The following ZNF7 variants were observed in gnomAD, a reference collection of about 807,000 sequenced individuals.
ZNF7 encodes the protein zinc finger protein 7.
A neutral mutation model predicts 12.0 loss-of-function variants in ZNF7; 10 were observed. The ratio of observed to expected loss-of-function variants is 0.83; its 90% CI spans 0.51 to 1.42. ZNF7 has a LOEUF of 1.42. ZNF7 is among the 40% of genes most tolerant of loss of function. ZNF7 has a pLI of 0.00. For synonymous variants in ZNF7, 334 were observed against 295.0 expected (o/e 1.13, Z -1.35); for missense variants, 854 against 837.2 (o/e 1.02, Z -0.25).
chr8:144,839,440 G>C (rs1335827795), intron 4 of ZNF7, among the ~76,000 whole-genome samples: 1 of 152,256 alleles, frequency 6.6e-6, no homozygotes, highest in Non-Finnish European at 1.5e-5. Context: ...AGGTGGCCCA[G>C]TTAAAACCCA....
At chr8:144,837,016 T>G in intron 3 of ZNF7, 1 of 171,032 alleles carries the variant, frequency 5.8e-6, no homozygotes, top group Non-Finnish European at 1.2e-5. Flanking sequence ...CCCTGCCTCT[T>G]GGAGCATCTC....
At chr8:144,834,166 GT>G (rs1373430080) in intron 3 of ZNF7, 5 of 152,192 alleles carry the variant, frequency 3.3e-5, no homozygotes, top group Admixed American at 2.6e-4. Context: ...CAATGTAAAA[GT>G]TTTGATTTTT....
intron 4 of ZNF7, among the ~76,000 whole-genome samples, chr8:144,839,849 G>GACC (rs949260488): frequency 1.3e-5 from 2 of 152,224 alleles, no homozygotes; most frequent in African/African-American, 4.8e-5. Context: ...CCACGCTTTT[G>GACC]ACCACCACCG....
chr8:144,837,345 A>C, intron 3 of ZNF7, 46 bp from the exon 4 acceptor site: 5 of 1,522,746 alleles, frequency 3.3e-6, no homozygotes, highest in Non-Finnish European at 4.5e-6. Flanking sequence ...TGTGCTGCAC[A>C]CTTCCCGTCA....
Position 144,840,868 on chromosome 8 carries a change from C to T in ZNF7, c.248-487C>T, listed in dbSNP as rs542009698. ...ATGAACGGCCTAGGTGCCCAGTGCT[C>T]TTCTGAGCTCACGTAGTAAGTCCCT... On this transcript the variant is annotated intron_variant, in intron 4 of 4. Transcript: ENST00000532777. Among the ~76,000 whole-genome samples the T allele has an allele frequency of 2.0e-5, 3 of 152,310 alleles. No individual in the cohort carries two copies. In the East Asian group the frequency reaches 5.8e-4, roughly 29 times the overall value.
chr8:144,832,399 G>A, intron 3 of ZNF7, among the ~76,000 whole-genome samples: 1 of 55,432 alleles, frequency 1.8e-5, no homozygotes, highest in East Asian at 4.3e-4. Context: ...CTCCAGCCTG[G>A]GTGACAGAGC....
chr8:144,836,417 C>G (rs1433444208), intron 3 of ZNF7: 1 of 152,172 alleles, frequency 6.6e-6, no homozygotes, highest in Non-Finnish European at 1.5e-5. Context: ...GCCACTTAGT[C>G]ATTTATTATG....
At position 144,840,453 on chromosome 8, in the gene ZNF7, C is replaced by CGTGGTT. The variant is rs1277544492; in HGVS notation, c.248-892_248-887dup. Among the ~76,000 whole-genome samples, 3 of 151,904 alleles carry CGTGGTT rather than the reference C, an allele frequency of 2.0e-5. No homozygotes were observed. In the East Asian group the frequency reaches 5.8e-4, roughly 29 times the overall value. On this transcript the variant is annotated intron_variant, in intron 4 of 4. Coordinates refer to ENST00000532777, the MANE Select transcript of ZNF7 (RefSeq NM_003416.4). ...CTCGGGCTGGTTATAGCTGTGGCTG[C>CGTGGTT]GTGGTTGTGGTTGTGAACGTGATTG...
At chr8:144,840,733 C>A (rs1252628490) in intron 4 of ZNF7, among the ~76,000 whole-genome samples, 1 of 152,148 alleles carries the variant, frequency 6.6e-6, no homozygotes, top group Non-Finnish European at 1.5e-5. Context: ...TGGCCACGCA[C>A]AGCCCAGGGA....
At chr8:144,830,795 G>A (rs1455238544) in intron 3 of ZNF7, 12 of 360,588 alleles carry the variant, frequency 3.3e-5, no homozygotes, top group African/African-American at 1.7e-4. Flanking sequence ...GTGCAATGGC[G>A]CGATCTTGGC....
chr8:144,838,964 C>CCT, intron 4 of ZNF7: 2 of 143,048 alleles, frequency 1.4e-5, no homozygotes, highest in Admixed American at 6.9e-5. Flanking sequence ...AAAAAAAAAG[C>CCT]AGGGGCTGTG....
intron 3 of ZNF7, chr8:144,835,662 G>A (rs1385769354): frequency 6.6e-6 from 1 of 152,126 alleles, no homozygotes; most frequent in Non-Finnish European, 1.5e-5. Flanking sequence ...GGGTTGGGTT[G>A]GAGGATGTTT....
intron 2 of ZNF7, 164 bp from the exon 3 acceptor site, chr8:144,829,314 C>T: frequency 5.2e-6 from 8 of 1,537,804 alleles, no homozygotes; most frequent in South Asian, 1.2e-5. Flanking sequence ...TGGGTTCCTT[C>T]CTCCTCCCCG....
chr8:144,837,879 A>G (rs1829214101), intron 4 of ZNF7: 2 of 565,970 alleles, frequency 3.5e-6, no homozygotes, highest in Admixed American at 3.0e-5. Context: ...TCCTCGGGTA[A>G]GCATATTCCC....
intron 1 of ZNF7, chr8:144,828,830 C>T (rs572094307): frequency 2.1e-4 from 129 of 615,414 alleles, no homozygotes; most frequent in Middle Eastern, 4.2e-4. Flanking sequence ...GAGTGAGTCA[C>T]ACATGCCACA....
chr8:144,834,545 G>A (rs1213846026), intron 3 of ZNF7: 1 of 152,034 alleles, frequency 6.6e-6, no homozygotes, highest in Non-Finnish European at 1.5e-5. Flanking sequence ...CATCATTTGA[G>A]ACACGTGATT....
Position 144,843,413 on chromosome 8 carries a change from C to A in ZNF7, c.*245C>A, listed in dbSNP as rs1398593477. 4 of 378,248 alleles carry A rather than the reference C, an allele frequency of 1.1e-5. No homozygotes were observed. The highest frequency in any genetic ancestry group is 1.9e-5 in the Non-Finnish European group (4 of 214,676). 23.4% of individuals were successfully genotyped at this position (378,248 alleles called of 1,614,324 possible). A position where few individuals can be genotyped will look rare whatever the true frequency, so the allele number is the denominator to read the frequency against. On this transcript the variant is annotated 3_prime_UTR_variant, in exon 5 of 5. Transcript: ENST00000532777. ...GACCATCCTGGGTAACAGGTGAAAC[C>A]CCATCTCTACTAAAAATACAAAAAT...
downstream of ZNF7, chr8:144,846,910 A>AT (rs1830541653): frequency 6.6e-6 from 1 of 152,242 alleles, no homozygotes; most frequent in South Asian, 2.1e-4. Flanking sequence ...TGTGTTAGCC[A>AT]GCTGGTCTCG....
intron 3 of ZNF7, chr8:144,836,998 G>A (rs1829077987): frequency 6.2e-6 from 1 of 161,682 alleles, no homozygotes; most frequent in South Asian, 2.0e-4. Flanking sequence ...ACCTTATTTT[G>A]TAACCACCCC....
Sources: allele counts gnomAD v4.1 joint callset (sites outside exome capture counted in the v4.1 genomes callset), GRCh38; gene constraint gnomAD v4.1.1; transcripts MANE v1.5; gene names NCBI Gene and HGNC (gene_info 2026-07-23, HGNC 2026-07-21).